The following SCN2A variants were observed in gnomAD, a reference collection of about 807,000 sequenced individuals.
SCN2A encodes sodium voltage-gated channel alpha subunit 2.
Under a neutral mutation model 188.7 loss-of-function variants are expected in SCN2A, and 20 were observed. That is an observed-to-expected ratio of 0.11 (90% CI 0.07 to 0.15). The LOEUF is 0.15. Ranked by LOEUF, SCN2A falls within the 10% of genes least tolerant of loss-of-function variation. SCN2A has a pLI of 1.00. For synonymous variants in SCN2A, 804 were observed against 833.1 expected, an observed-to-expected ratio of 0.97 and a Z score of 0.60; for missense variants, 1,278 against 2,445.0, an observed-to-expected ratio of 0.52 and a Z score of 10.07.
chr2:165,354,474 C>T lies in SCN2A; in HGVS notation c.3202C>T (p.Leu1068Phe). The T allele has an allele frequency of 6.2e-7, 1 of 1,614,074 alleles. No individual in the cohort carries two copies. The highest frequency in any genetic ancestry group is 8.5e-7 in the Non-Finnish European group (1 of 1,179,990). Residue 1068 changes from leucine to phenylalanine, a missense_variant, in exon 17 of 27, where the codon CTC becomes TTC. This residue lies in a region of SCN2A where 228 missense variants were observed against 297.3 expected (regional missense o/e 0.77). Transcript: ENST00000375437. ...TIEIGKDLNYLKDGNGTTSGI... is the reference protein window; with the variant it reads ...TIEIGKDLNYFKDGNGTTSGI... ...AGAAATAGGCAAAGACCTCAATTAT[C>T]TCAAAGACGGAAATGGAACTACTAG...
chr2:165,251,783 G>A (rs893992995), intron 1 of SCN2A, among the ~76,000 whole-genome samples: 1 of 151,714 alleles, frequency 6.6e-6, no homozygotes, highest in Non-Finnish European at 1.5e-5. Flanking sequence ...CTCCTCTTGG[G>A]GTGTGTCATC....
At chr2:165,328,733 A>T (rs1698500933) in intron 13 of SCN2A, among the ~76,000 whole-genome samples, 1 of 152,158 alleles carries the variant, frequency 6.6e-6, no homozygotes, top group African/African-American at 2.4e-5. Context: ...GATGGAAAGG[A>T]TGTTCTAGGA....
intron 25 of SCN2A, among the ~76,000 whole-genome samples, chr2:165,384,357 A>G (rs1701752867): frequency 6.6e-6 from 1 of 152,170 alleles, no homozygotes; most frequent in Admixed American, 6.6e-5. Flanking sequence ...GTTAGAGAAC[A>G]TAAATTTTTG....
intron 10 of SCN2A, 80 bp downstream of exon 10, chr2:165,314,188 AGTT>A: frequency 1.4e-6 from 2 of 1,406,998 alleles, no homozygotes; most frequent in Non-Finnish European, 2.0e-6. Flanking sequence ...GTGGCAAGGT[AGTT>A]GACATTAGAA....
At chr2:165,271,256 T>C (rs2106105282) in intron 1 of SCN2A, 1 of 152,228 alleles carries the variant, frequency 6.6e-6, no homozygotes, top group South Asian at 2.1e-4. Flanking sequence ...TGAATGGTAT[T>C]ATGAGCAAAG....
intron 3 of SCN2A, among the ~76,000 whole-genome samples, chr2:165,306,093 GAA>G (rs1232018940): frequency 6.6e-6 from 1 of 152,186 alleles, no homozygotes; most frequent in Non-Finnish European, 1.5e-5. Context: ...TCTCAATGTG[GAA>G]AAGTTTGTTG....
At position 165,351,117 on chromosome 2, in the gene SCN2A, A is replaced by G. The variant is rs891250763; in HGVS notation, c.2920-3075A>G. Among the ~76,000 whole-genome samples, 5 of 152,170 alleles carry G rather than the reference A, an allele frequency of 3.3e-5. 1 individual carries two copies. In the East Asian group the frequency reaches 7.7e-4, roughly 23 times the overall value. On this transcript the variant is annotated intron_variant, in intron 16 of 26. Transcript: ENST00000375437. ...AACTGAGGCTCAGATTGGTTATGCTACTTAGTAGGTAACAGAAAATCGATT... is the reference window on the plus strand; with the variant it reads ...AACTGAGGCTCAGATTGGTTATGCTGCTTAGTAGGTAACAGAAAATCGATT...
chr2:165,332,586 G>A (rs1698750999), intron 14 of SCN2A, among the ~76,000 whole-genome samples: 1 of 152,032 alleles, frequency 6.6e-6, no homozygotes. Context: ...CTATTTCAGA[G>A]ACTATCATAA....
chr2:165,319,312 G>A (rs1204635445), intron 11 of SCN2A, among the ~76,000 whole-genome samples: 1 of 152,074 alleles, frequency 6.6e-6, no homozygotes, highest in African/African-American at 2.4e-5. Context: ...ACTCCAGCCT[G>A]GGTGACAGAG....
chr2:165,380,772 A>T, intron 24 of SCN2A, 43 bp downstream of exon 24: 4 of 1,420,786 alleles, frequency 2.8e-6, no homozygotes, highest in Non-Finnish European at 3.0e-6. Flanking sequence ...AATATGAACT[A>T]AATATTTCAT....
chr2:165,306,865 T>G (rs1184117387), intron 3 of SCN2A, among the ~76,000 whole-genome samples: 1 of 152,144 alleles, frequency 6.6e-6, no homozygotes, highest in African/African-American at 2.4e-5. Flanking sequence ...TCTCTGGAAT[T>G]TCTATAATTG....
intron 1 of SCN2A, among the ~76,000 whole-genome samples, chr2:165,261,827 T>C (rs1694608481): frequency 1.3e-5 from 2 of 152,310 alleles, no homozygotes; most frequent in Non-Finnish European, 2.9e-5. Flanking sequence ...AAGTGTTGAT[T>C]TGCAATAAAG....
intron 18 of SCN2A, 71 bp from the exon 19 acceptor site, chr2:165,367,146 T>A (rs1700771527): frequency 7.0e-7 from 1 of 1,438,826 alleles, no homozygotes; most frequent in Non-Finnish European, 9.7e-7. Context: ...TGTAAATGAA[T>A]CTCCCACCAA....
At chr2:165,363,897 AT>A (rs1700590231) in intron 17 of SCN2A, among the ~76,000 whole-genome samples, 1 of 152,136 alleles carries the variant, frequency 6.6e-6, no homozygotes, top group South Asian at 2.1e-4. Flanking sequence ...AGACAAAAGC[AT>A]TTTTAATCTC....
At chr2:165,291,663 C>A (rs567010988) in intron 1 of SCN2A, among the ~76,000 whole-genome samples, 3 of 149,186 alleles carry the variant, frequency 2.0e-5, no homozygotes, top group Non-Finnish European at 4.4e-5. Flanking sequence ...TAGCTCACTG[C>A]AGCCTCAAAT....
chr2:165,278,236 G>A (rs1386810531), intron 1 of SCN2A, among the ~76,000 whole-genome samples: 1 of 152,166 alleles, frequency 6.6e-6, no homozygotes, highest in Non-Finnish European at 1.5e-5. Flanking sequence ...TAAGACACTG[G>A]TAGAGTATAT....
rs191883696 is a variant in SCN2A at position 165,348,105 on chromosome 2, T to C, written c.2919+3194T>C. ...CAGGCTCAGTGGCTCACGCCTGTAA[T>C]CGCAGCATTTTGGGAGACTGAAGTG... On this transcript the variant is annotated intron_variant, in intron 16 of 26. Coordinates refer to ENST00000375437, the MANE Select transcript of SCN2A (RefSeq NM_001040142.2). Among the ~76,000 whole-genome samples the C allele has an allele frequency of 1.1e-3, 168 of 152,306 alleles. 2 individuals are homozygous for C. The highest frequency in any genetic ancestry group is 5.4e-3 in the East Asian group (28 of 5,186).
At chr2:165,375,670 G>A (rs1701271246) in intron 22 of SCN2A, among the ~76,000 whole-genome samples, 1 of 152,004 alleles carries the variant, frequency 6.6e-6, no homozygotes, top group Non-Finnish European at 1.5e-5. Context: ...TTTGTTTTCA[G>A]TTTAGGAAAC....
chr2:165,285,488 A>G (rs918857127), intron 1 of SCN2A: 3 of 165,084 alleles, frequency 1.8e-5, no homozygotes, highest in Admixed American at 6.3e-5. Context: ...AGTATTTTTA[A>G]GAGGGTGGGT....
Sources: allele counts gnomAD v4.1 joint callset (sites outside exome capture counted in the v4.1 genomes callset), GRCh38; gene constraint gnomAD v4.1.1; regional missense constraint gnomAD v4.1.1; transcripts MANE v1.5; gene names NCBI Gene and HGNC (gene_info 2026-07-23, HGNC 2026-07-21).